GSG1L: variants seen among roughly 807,000 people sequenced by gnomAD.
The protein encoded by GSG1L is GSG1 like.
A neutral mutation model predicts 42.1 loss-of-function variants in GSG1L; 24 were observed. That is an observed-to-expected ratio of 0.57 (90% confidence interval 0.41 to 0.80). GSG1L has a LOEUF of 0.80. GSG1L is among the 30% of genes least tolerant of loss of function. GSG1L has a pLI of 0.00. For missense variants in GSG1L, 445 were observed against 472.2 expected (o/e 0.94, Z 0.53); for synonymous variants, 215 against 203.5 (o/e 1.06, Z -0.48).
Position 28,063,003 on chromosome 16 carries a change from G to A in GSG1L, c.349+73C>T. 7.9e-7 allele frequency: 1 copy of A among 1,272,318 alleles called. No individual in the cohort carries two copies. Among genetic ancestry groups the A allele is most frequent in the Non-Finnish European group, 9.9e-7 (1 of 1,011,084 alleles). The allele number at this position is 1,272,318 out of a possible 1,614,324, so 78.8% of individuals were successfully genotyped here. The stretch of plus-strand genomic sequence containing the variant: ...GGCGGGAGGAGGGCGAACGGGTCCG[G>A]GGCTCGGGCCTCGATGGCCGCGCCG... On this transcript the variant is annotated intron_variant, in intron 1 of 6. Transcript: ENST00000447459. This position sits in a 1 kb window ranked among gnomAD's most constrained non-coding sequence, Gnocchi z 5.8.
chr16:27,914,409 A>C (rs1230519773), intron 2 of GSG1L, among the ~76,000 whole-genome samples: 1 of 152,202 alleles, frequency 6.6e-6, no homozygotes, highest in African/African-American at 2.4e-5. Flanking sequence ...AATGATTATG[A>C]AGAATGGAAA....
chr16:28,033,233 G>A (rs2085988254), intron 1 of GSG1L, among the ~76,000 whole-genome samples: 1 of 152,194 alleles, frequency 6.6e-6, no homozygotes, highest in African/African-American at 2.4e-5. Flanking sequence ...GGTAACTCAA[G>A]TGTCACCTCC....
At chr16:27,852,900 T>C (rs1338521875) in intron 3 of GSG1L, among the ~76,000 whole-genome samples, 1 of 151,952 alleles carries the variant, frequency 6.6e-6, no homozygotes, top group Non-Finnish European at 1.5e-5. Context: ...GGCGCTGAGA[T>C]GCTGGAGGCA....
At chr16:27,850,810 T>TA (rs59567686) in intron 3 of GSG1L, among the ~76,000 whole-genome samples, 171 of 116,922 alleles carry the variant, frequency 1.5e-3, no homozygotes, top group Admixed American at 2.5e-3. Flanking sequence ...CTTTTTTTTT[T>TA]ATTTTTTTTT....
chr16:27,804,037 G>GGATA (rs557443110), intron 6 of GSG1L, among the ~76,000 whole-genome samples: 1,993 of 132,724 alleles, frequency 0.015, 12 homozygotes, highest in East Asian at 0.033. Flanking sequence ...TAGATTAGAT[G>GGATA]GATAGATAGA....
chr16:27,909,635 CTT>C lies in GSG1L; in HGVS notation c.398-24999_398-24998del, dbSNP rs10709968. Among the ~76,000 whole-genome samples the C allele has an allele frequency of 4.8e-3, 422 of 88,282 alleles. 1 individual carries two copies. The highest frequency in any genetic ancestry group is 0.014 in the African/African-American group (302 of 21,552). The allele number at this position is 88,282 out of a possible 152,430, so 57.9% of individuals were successfully genotyped here. ...CTGCATGACTCTGCACTGCACCCAG[CTT>C]TTTTTTTTTTTTTTTTTTTTTTGAG... On this transcript the variant is annotated intron_variant, in intron 2 of 6. Transcript: ENST00000447459.
intron 2 of GSG1L, among the ~76,000 whole-genome samples, chr16:27,950,496 T>C (rs2084938997): frequency 6.6e-6 from 1 of 152,000 alleles, no homozygotes; most frequent in African/African-American, 2.4e-5. Context: ...AATCCAGAAA[T>C]TCAGAAAAGA....
chr16:28,013,205 G>T (rs1439074309), intron 1 of GSG1L, among the ~76,000 whole-genome samples: 1 of 132,680 alleles, frequency 7.5e-6, no homozygotes, highest in African/African-American at 2.9e-5. Flanking sequence ...GGCCACAAGA[G>T]CAAAACTCTG....
intron 2 of GSG1L, among the ~76,000 whole-genome samples, chr16:27,921,775 C>A (rs897212040): frequency 6.6e-6 from 1 of 152,110 alleles, no homozygotes; most frequent in East Asian, 1.9e-4. Context: ...GTTTTAGTGA[C>A]CTGTCTTATG....
intron 1 of GSG1L, among the ~76,000 whole-genome samples, chr16:27,985,343 C>T (rs1386003756): frequency 6.6e-6 from 1 of 152,038 alleles, no homozygotes; most frequent in Admixed American, 6.6e-5. Context: ...TCTGTTAGTT[C>T]ACTCGAGAGC....
intron 5 of GSG1L, among the ~76,000 whole-genome samples, chr16:27,815,785 A>G (rs939216705): frequency 1.3e-5 from 2 of 152,170 alleles, no homozygotes; most frequent in African/African-American, 4.8e-5. Context: ...GCTGGACAAT[A>G]TAGGGAGATC....
intron 6 of GSG1L, among the ~76,000 whole-genome samples, chr16:27,798,470 C>A (rs2082846344): frequency 6.6e-6 from 1 of 152,096 alleles, no homozygotes; most frequent in African/African-American, 2.4e-5. Flanking sequence ...GGATGAGGTT[C>A]TTCAGGAAGT....
chr16:27,818,363 C>T (rs1490771763), intron 5 of GSG1L, among the ~76,000 whole-genome samples: 4 of 152,154 alleles, frequency 2.6e-5, no homozygotes, highest in Non-Finnish European at 2.9e-5. Context: ...TGTGTTTTCA[C>T]CTCCCCGTGT....
At chr16:27,836,561 T>C (rs2083323461) in intron 4 of GSG1L, among the ~76,000 whole-genome samples, 1 of 152,212 alleles carries the variant, frequency 6.6e-6, no homozygotes, top group African/African-American at 2.4e-5. Flanking sequence ...TTTCTCTCTG[T>C]TGTTCAAATT....
chr16:27,941,855 G>A (rs952921186), intron 2 of GSG1L, among the ~76,000 whole-genome samples: 4 of 152,072 alleles, frequency 2.6e-5, no homozygotes, highest in Non-Finnish European at 5.9e-5. Context: ...AACCAGACAC[G>A]CAAATACTGG....
At chr16:27,982,380 G>T (rs1027504079) in intron 1 of GSG1L, among the ~76,000 whole-genome samples, 59 of 152,164 alleles carry the variant, frequency 3.9e-4, no homozygotes, top group African/African-American at 1.4e-3. Context: ...GCATCCCAGT[G>T]GGGTCATGTG....
At chr16:27,888,167 C>T (rs2084051973) in intron 2 of GSG1L, 1 of 983,364 alleles carries the variant, frequency 1.0e-6, no homozygotes, top group Non-Finnish European at 1.2e-6. Flanking sequence ...CTCCCCCACG[C>T]AGCCCCCACA....
chr16:27,954,183 A>G (rs2141098652), intron 2 of GSG1L, among the ~76,000 whole-genome samples: 1 of 152,328 alleles, frequency 6.6e-6, no homozygotes, highest in African/African-American at 2.4e-5. Context: ...GGGCTGAACC[A>G]AAGGCCACTG....
intron 1 of GSG1L, among the ~76,000 whole-genome samples, chr16:27,971,835 G>C (rs950018039): frequency 6.6e-6 from 1 of 152,032 alleles, no homozygotes; most frequent in Admixed American, 6.6e-5. Flanking sequence ...TTCCTACTTT[G>C]TTGAGCAGTT....
Sources: gnomAD v4.1 joint callset for allele counts (sites outside exome capture counted in the v4.1 genomes callset) on GRCh38, gnomAD v4.1.1 for gene constraint, Gnocchi (gnomAD v3.1) non-coding constraint, MANE v1.5 for transcripts, NCBI Gene and HGNC (gene_info 2026-07-23, HGNC 2026-07-21) for gene names.